Variants in SLC15A1 observed in about 807,000 individuals in gnomAD.
SLC15A1 encodes solute carrier family 15 member 1.
A neutral mutation model predicts 92.9 loss-of-function variants in SLC15A1; 83 were observed. That is an observed-to-expected ratio of 0.89 (90% CI 0.75 to 1.07). SLC15A1 has a LOEUF of 1.07. Ranked by LOEUF, SLC15A1 falls within the 50% of genes least tolerant of loss-of-function variation. The pLI, the probability that SLC15A1 is intolerant of heterozygous loss-of-function variation, is 0.00. For missense variants in SLC15A1, 857 were observed against 880.1 expected (o/e 0.97, Z 0.33); for synonymous variants, 322 against 318.2 (o/e 1.01, Z -0.13).
chr13:98,748,485 G>A (rs1241520705), intron 1 of SLC15A1, among the ~76,000 whole-genome samples: 1 of 152,008 alleles, frequency 6.6e-6, no homozygotes. Flanking sequence ...TGTGGAGACG[G>A]GGTTTTGCCA....
Position 98,684,654 on chromosome 13 carries a change from G to A in SLC15A1, c.*70C>T. On this transcript the variant is annotated 3_prime_UTR_variant, in exon 23 of 23. Coordinates refer to ENST00000376503, the MANE Select transcript of SLC15A1 (RefSeq NM_005073.4). ...CTCATCAGGGGCCATCCAATGGAGT[G>A]TCCTGCTACCTGGGGGCAGAGGTCA... 1 of 1,279,848 alleles carries A rather than the reference G, an allele frequency of 7.8e-7. No homozygotes were observed. 79.3% of individuals were successfully genotyped at this position (1,279,848 alleles called of 1,614,324 possible).
chr13:98,711,859 G>T lies in SLC15A1; in HGVS notation c.895C>A (p.Gln299Lys). ...CAAGCAGAGTTTCACATTACCTGCT[G>T]GTCAAACAAGGCCCAGAACATTGGG... The part of the protein sequence containing the change: ...PLPMFWALFD[Q>K]QGSRWTLQAT... The change falls in exon 11 of 23, where the codon CAG (glutamine) becomes AAG (lysine). Residue 299 changes from glutamine (Q) to lysine (K), a missense_variant. Gln to Lys is a moderately conservative substitution (Grantham distance 53). Coordinates refer to ENST00000376503, the MANE Select transcript of SLC15A1 (RefSeq NM_005073.4). 1 of 1,612,196 alleles carries T rather than the reference G, an allele frequency of 6.2e-7. No individual in the cohort carries two copies. Among genetic ancestry groups the T allele is most frequent in the African/African-American group, 1.3e-5 (1 of 74,990 alleles).
intron 18 of SLC15A1, among the ~76,000 whole-genome samples, chr13:98,694,564 G>A (rs2088006636): frequency 6.6e-6 from 1 of 152,170 alleles, no homozygotes; most frequent in African/African-American, 2.4e-5. Context: ...AGAAATCACT[G>A]CCCTAGAGAA....
chr13:98,732,360 T>C (rs919221120), intron 1 of SLC15A1, among the ~76,000 whole-genome samples: 1 of 152,202 alleles, frequency 6.6e-6, no homozygotes, highest in Non-Finnish European at 1.5e-5. Context: ...ACACAGGCTC[T>C]TCTTGCTATT....
intron 15 of SLC15A1, among the ~76,000 whole-genome samples, chr13:98,706,963 C>T (rs1448002920): frequency 6.6e-6 from 1 of 152,160 alleles, no homozygotes; most frequent in Non-Finnish European, 1.5e-5. Flanking sequence ...TACCGTCACC[C>T]GACTCCAGTG....
In SLC15A1 at chr13:98,707,496, G is replaced by A. The variant is rs2088121955; in HGVS notation, c.1149+1190C>T. Among the ~76,000 whole-genome samples the A allele has an allele frequency of 3.9e-5, 6 of 152,186 alleles. No homozygotes were observed. The South Asian group carries it at 1.2e-3, about 31-fold the overall frequency. ...ATGGGGGTTGATGGGGCTAGGGAAAGGGGAAATGGGAGTTGTTTAATGGGT... is the reference window on the plus strand; with the variant it reads ...ATGGGGGTTGATGGGGCTAGGGAAAAGGGAAATGGGAGTTGTTTAATGGGT... On this transcript the variant is annotated intron_variant, in intron 15 of 22. Coordinates refer to ENST00000376503, the MANE Select transcript of SLC15A1 (RefSeq NM_005073.4).
chr13:98,692,474 A>G (rs989962061), intron 18 of SLC15A1, among the ~76,000 whole-genome samples: 4 of 152,016 alleles, frequency 2.6e-5, no homozygotes, highest in Admixed American at 6.6e-5. Flanking sequence ...AAACTTTCTT[A>G]TAAGAGTCTT....
In SLC15A1 at chr13:98,740,089, G is replaced by A. The variant is rs1170539509; in HGVS notation, c.4+12506C>T. Reference sequence around the variant, plus strand: ...AGGATGGTGTGGACCAGAGCAAAGCGGTCTTCTCAAATACAAGCCATCATG... The same window carrying A: ...AGGATGGTGTGGACCAGAGCAAAGCAGTCTTCTCAAATACAAGCCATCATG... On this transcript the variant is annotated intron_variant, in intron 1 of 22. Coordinates refer to ENST00000376503, the MANE Select transcript of SLC15A1 (RefSeq NM_005073.4). Among the ~76,000 whole-genome samples, 13 of 152,272 alleles carry A rather than the reference G, an allele frequency of 8.5e-5. No individual in the cohort carries two copies. The South Asian group carries it at 1.5e-3, about 17-fold the overall frequency.
chr13:98,691,568 G>T (rs1051413250), intron 18 of SLC15A1, among the ~76,000 whole-genome samples: 4 of 152,182 alleles, frequency 2.6e-5, no homozygotes, highest in African/African-American at 9.7e-5. Context: ...CACAATACAT[G>T]GCGTATAGCC....
rs1001747543 is a variant in SLC15A1 at position 98,712,686 on chromosome 13, AG to A, written c.724-103del. ...CCTTTAGGAGAAAAATATACGTGTG[AG>A]AAAAGCAAAATATACAATTGTATCT... On this transcript the variant is annotated intron_variant, in intron 9 of 22. Coordinates refer to ENST00000376503, the MANE Select transcript of SLC15A1 (RefSeq NM_005073.4). 4 of 751,702 alleles carry A rather than the reference AG, an allele frequency of 5.3e-6. No homozygotes were observed. In the African/African-American group the frequency reaches 6.9e-5, roughly 13 times the overall value. The allele number at this position is 751,702 out of a possible 1,614,324, so 46.6% of individuals were successfully genotyped here. A position where few individuals can be genotyped will look rare whatever the true frequency, so the allele number is the denominator to read the frequency against.
At chr13:98,722,618 A>G (rs7324010) in intron 5 of SLC15A1, among the ~76,000 whole-genome samples, 70,937 of 152,018 alleles carry the variant, frequency 0.47, 17,565 homozygotes, top group Non-Finnish European at 0.57. Context: ...TTAAACACTT[A>G]AAAAATTTTA....
intron 16 of SLC15A1, 63 bp from the exon 17 acceptor site, chr13:98,704,498 G>C (rs529725719): frequency 7.0e-7 from 1 of 1,435,728 alleles, no homozygotes; most frequent in African/African-American, 1.5e-5. Context: ...GCAACTGAAC[G>C]CTGGAAGAGC....
intron 18 of SLC15A1, among the ~76,000 whole-genome samples, chr13:98,701,972 G>T (rs1353821509): frequency 6.6e-6 from 1 of 152,082 alleles, no homozygotes; most frequent in Non-Finnish European, 1.5e-5. Context: ...ACCACACCCG[G>T]CCAATTGGAA....
In SLC15A1 at chr13:98,704,323, G is replaced by A. The variant is rs141206459; in HGVS notation, c.1382C>T (p.Thr461Met). 1.7e-5 allele frequency: 28 copies of A among 1,613,422 alleles called. 1 individual carries two copies. Among genetic ancestry groups the A allele is most frequent in the African/African-American group, 2.7e-5 (2 of 74,876 alleles). The part of the protein sequence containing the change: ...TDDFKQGQRH[T>M]LLVWAPNHYQ... ...GTGATTGGGGGCCCACACTAGAAGC[G>A]TGTGGCGTTGGCCCTGCTTGAAGTC... Residue 461 changes from threonine to methionine, a missense_variant, in exon 17 of 23, where the codon ACG becomes ATG. By Grantham distance (81) the Thr-to-Met change is moderately conservative. Transcript: ENST00000376503.
At chr13:98,717,072 T>C (rs1311955467) in intron 8 of SLC15A1, among the ~76,000 whole-genome samples, 1 of 152,190 alleles carries the variant, frequency 6.6e-6, no homozygotes, top group East Asian at 1.9e-4. Context: ...CAAGTATATC[T>C]GAAAACATAG....
At chr13:98,740,905 G>T (rs2088438528) in intron 1 of SLC15A1, among the ~76,000 whole-genome samples, 1 of 152,212 alleles carries the variant, frequency 6.6e-6, no homozygotes, top group African/African-American at 2.4e-5. Flanking sequence ...GGCTCTTCTA[G>T]CATCAGAGTC....
At chr13:98,747,768 C>A (rs577485695) in intron 1 of SLC15A1, among the ~76,000 whole-genome samples, 2 of 152,112 alleles carry the variant, frequency 1.3e-5, no homozygotes, top group African/African-American at 4.8e-5. Context: ...GTGATCCCAG[C>A]TACTCTGGAG....
In SLC15A1 at chr13:98,688,782, T is replaced by C. The variant is rs542828222; in HGVS notation, c.1467-205A>G. ...ACTCATGAGAACACACCTAAAAGAA[T>C]GTATTTAACAGTGTTTATATGTGCT... On this transcript the variant is annotated intron_variant, in intron 18 of 22. Coordinates refer to ENST00000376503, the MANE Select transcript of SLC15A1 (RefSeq NM_005073.4). 1.2e-3 allele frequency among the ~76,000 whole-genome samples: 178 copies of C among 152,318 alleles called. 2 individuals are homozygous for C. Among genetic ancestry groups the C allele is most frequent in the South Asian group, 0.011 (53 of 4,824 alleles).
At chr13:98,687,517 C>G in intron 21 of SLC15A1, 64 bp downstream of exon 21, 1 of 1,552,930 alleles carries the variant, frequency 6.4e-7, no homozygotes, top group Non-Finnish European at 8.7e-7. Context: ...TAAATTAAGT[C>G]CCATCAGCAT....
Sources: allele counts gnomAD v4.1 joint callset (sites outside exome capture counted in the v4.1 genomes callset), GRCh38; gene constraint gnomAD v4.1.1; transcripts MANE v1.5; gene names NCBI Gene and HGNC (gene_info 2026-07-23, HGNC 2026-07-21).